Variants in TNKS observed in about 807,000 individuals in gnomAD.
TNKS encodes poly [ADP-ribose] polymerase tankyrase-1.
A neutral mutation model predicts 135.8 loss-of-function variants in TNKS; 72 were observed. The observed-to-expected ratio is 0.53, with a 90% CI of 0.44 to 0.64. TNKS has a LOEUF of 0.64. TNKS is among the 30% of genes least tolerant of loss of function. The pLI is 0.00. For missense variants in TNKS, 1,769 were observed against 1,674.0 expected, an observed-to-expected ratio of 1.06 and a Z score of -0.99; for synonymous variants, 849 against 649.3, an observed-to-expected ratio of 1.31 and a Z score of -4.68.
chr8:9,716,532 T>C (rs1804607692), intron 11 of TNKS, among the ~76,000 whole-genome samples: 1 of 152,170 alleles, frequency 6.6e-6, no homozygotes, highest in South Asian at 2.1e-4. Flanking sequence ...GTTTATTACT[T>C]CTGTGAGAAA....
chr8:9,774,668 T>G (rs879263207), intron 26 of TNKS, among the ~76,000 whole-genome samples: 1 of 152,120 alleles, frequency 6.6e-6, no homozygotes, highest in Non-Finnish European at 1.5e-5. Flanking sequence ...ACAGAAACAA[T>G]TCAGTAGCCT....
chr8:9,757,739 A>G (rs578131199), intron 20 of TNKS, among the ~76,000 whole-genome samples: 2 of 152,340 alleles, frequency 1.3e-5, no homozygotes, highest in East Asian at 1.9e-4. Flanking sequence ...CTCTTTTACT[A>G]TCAGTTATTT....
intron 1 of TNKS, chr8:9,558,788 G>T (rs529090914): frequency 2.6e-5 from 4 of 152,092 alleles, no homozygotes; most frequent in Non-Finnish European, 5.9e-5. Context: ...TTTTAGCTCA[G>T]TTGTGGAAAA....
chr8:9,556,735 C>T (rs961437406), intron 1 of TNKS, 123 bp downstream of exon 1: 41 of 1,091,692 alleles, frequency 3.8e-5, no homozygotes, highest in Non-Finnish European at 5.0e-5. Context: ...TTCATCACCT[C>T]ACCAGAAGAC....
At chr8:9,563,998 A>T (rs1256335563) in intron 1 of TNKS, among the ~76,000 whole-genome samples, 1 of 152,206 alleles carries the variant, frequency 6.6e-6, no homozygotes, top group African/African-American at 2.4e-5. Flanking sequence ...TCTGGCCTAG[A>T]ATAGATCAAG....
chr8:9,656,526 A>AATAACAGC (rs2128784271), intron 3 of TNKS, among the ~76,000 whole-genome samples: 1 of 152,300 alleles, frequency 6.6e-6, no homozygotes, highest in East Asian at 1.9e-4. Flanking sequence ...AGCCCATCAG[A>AATAACAGC]CTAACAGCTG....
intron 1 of TNKS, among the ~76,000 whole-genome samples, chr8:9,567,085 C>T (rs1031892055): frequency 6.6e-6 from 1 of 152,186 alleles, no homozygotes; most frequent in Non-Finnish European, 1.5e-5. Context: ...TCTGACGATT[C>T]TTACTGCTTT....
intron 3 of TNKS, among the ~76,000 whole-genome samples, chr8:9,664,042 A>G (rs1801866587): frequency 6.6e-6 from 1 of 152,196 alleles, no homozygotes; most frequent in African/African-American, 2.4e-5. Context: ...TCTGGAGACT[A>G]TCCAGGAGCC....
chr8:9,560,237 GC>G (rs909382468), intron 1 of TNKS, among the ~76,000 whole-genome samples: 5 of 151,730 alleles, frequency 3.3e-5, no homozygotes, highest in Non-Finnish European at 7.4e-5. Flanking sequence ...TTTTATTAAG[GC>G]CTTAGTAAAA....
chr8:9,623,517 A>T (rs1189004402), intron 3 of TNKS, among the ~76,000 whole-genome samples: 8 of 152,098 alleles, frequency 5.3e-5, no homozygotes, highest in Non-Finnish European at 1.2e-4. Flanking sequence ...ATGTCTAAAA[A>T]AAGTACTACC....
chr8:9,560,276 T>C (rs987941998), intron 1 of TNKS, among the ~76,000 whole-genome samples: 19 of 152,030 alleles, frequency 1.2e-4, no homozygotes, highest in Non-Finnish European at 5.9e-5. Context: ...TTATAGTATT[T>C]ACATGAAATT....
intron 3 of TNKS, among the ~76,000 whole-genome samples, chr8:9,670,574 T>C (rs1232254377): frequency 6.6e-6 from 1 of 152,148 alleles, no homozygotes; most frequent in East Asian, 1.9e-4. Context: ...GAAATTGGAG[T>C]CATTCCTCCT....
At chr8:9,613,245 T>C (rs1408563842) in intron 2 of TNKS, among the ~76,000 whole-genome samples, 1 of 152,214 alleles carries the variant, frequency 6.6e-6, no homozygotes, top group Non-Finnish European at 1.5e-5. Flanking sequence ...GAGCAAAGCA[T>C]GGAATTAGTC....
At position 9,571,933 on chromosome 8, in the gene TNKS, T is replaced by C. The variant is rs1027936434; in HGVS notation, c.674-8226T>C. On this transcript the variant is annotated intron_variant, in intron 1 of 26. Transcript: ENST00000310430. ...TTTGTCTGGTAAATTGCTTATTCCT[T>C]AGATCTTAGCTCATAATATCACTTT... Among the ~76,000 whole-genome samples, 7 of 152,332 alleles carry C rather than the reference T, an allele frequency of 4.6e-5. No homozygotes were observed. In the South Asian group the frequency reaches 1.4e-3, roughly 32 times the overall value.
chr8:9,587,728 C>T (rs1388550204), intron 2 of TNKS, among the ~76,000 whole-genome samples: 2 of 152,138 alleles, frequency 1.3e-5, no homozygotes, highest in Non-Finnish European at 2.9e-5. Flanking sequence ...CCCAATGAGA[C>T]TTACGTCAGA....
intron 3 of TNKS, among the ~76,000 whole-genome samples, chr8:9,656,898 G>A (rs1801403007): frequency 7.8e-6 from 1 of 128,310 alleles, no homozygotes; most frequent in Admixed American, 8.0e-5. Flanking sequence ...TTAACCCTGA[G>A]TGGACACAGC....
At chr8:9,675,502 T>C (rs182241438) in intron 3 of TNKS, among the ~76,000 whole-genome samples, 6 of 152,332 alleles carry the variant, frequency 3.9e-5, no homozygotes, top group African/African-American at 7.2e-5. Flanking sequence ...GGATTCATCA[T>C]TGGAATAGAC....
chr8:9,729,704 T>A (rs1294280009), intron 13 of TNKS, among the ~76,000 whole-genome samples: 1 of 151,198 alleles, frequency 6.6e-6, no homozygotes, highest in Non-Finnish European at 1.5e-5. Flanking sequence ...TTAATCTCCA[T>A]CCCTGGTTTG....
intron 3 of TNKS, among the ~76,000 whole-genome samples, chr8:9,648,139 C>T (rs758428334): frequency 5.9e-5 from 9 of 151,988 alleles, no homozygotes; most frequent in Admixed American, 1.3e-4. Flanking sequence ...TGAGAGAATG[C>T]GAAGGCCTAG....
Sources: allele counts gnomAD v4.1 joint callset (sites outside exome capture counted in the v4.1 genomes callset), GRCh38; gene constraint gnomAD v4.1.1; transcripts MANE v1.5; gene names NCBI Gene and HGNC (gene_info 2026-07-23, HGNC 2026-07-21).